ESR1: variants seen among roughly 807,000 people sequenced by gnomAD.
The protein encoded by ESR1 is estrogen receptor.
ESR1 carries 12 observed loss-of-function variants against 52.7 expected under a neutral mutation model. That is an observed-to-expected ratio of 0.23 (90% CI 0.15 to 0.37). The LOEUF (loss-of-function observed/expected upper bound fraction) is 0.37. Ranked by LOEUF, ESR1 falls within the 10% of genes least tolerant of loss-of-function variation. ESR1 has a pLI of 1.00. For synonymous variants in ESR1, 305 were observed against 316.8 expected (o/e 0.96, Z 0.39); for missense variants, 584 against 779.7 (o/e 0.75, Z 2.99).
chr6:152,115,092 T>C (rs2051194913), intron 6 of ESR1, among the ~76,000 whole-genome samples: 2 of 151,358 alleles, frequency 1.3e-5, no homozygotes, highest in East Asian at 2.0e-4. Flanking sequence ...TGTCAAGCCT[T>C]ATATTTCACA....
chr6:151,936,486 TAGA>T (rs1292141552), intron 3 of ESR1, among the ~76,000 whole-genome samples: 3 of 152,222 alleles, frequency 2.0e-5, no homozygotes, highest in Non-Finnish European at 4.4e-5. Flanking sequence ...AGCAAAACTC[TAGA>T]AGAAGAAACT....
chr6:152,115,019 C>G (rs1201627623), intron 6 of ESR1, among the ~76,000 whole-genome samples: 2 of 151,240 alleles, frequency 1.3e-5, no homozygotes, highest in African/African-American at 4.9e-5. Context: ...ACAAGTCATG[C>G]TCCTTGATGT....
intron 3 of ESR1, among the ~76,000 whole-genome samples, chr6:151,926,103 C>G (rs574759131): frequency 1.3e-5 from 2 of 152,162 alleles, no homozygotes; most frequent in African/African-American, 2.4e-5. Flanking sequence ...TGACCTTTTT[C>G]TCATTTAATT....
intron 2 of ESR1, among the ~76,000 whole-genome samples, chr6:151,736,634 C>T (rs1251391722): frequency 6.6e-6 from 1 of 152,030 alleles, no homozygotes; most frequent in East Asian, 1.9e-4. Flanking sequence ...CCACCTTGGC[C>T]TCCTAAAGTG....
intron 7 of ESR1, among the ~76,000 whole-genome samples, chr6:152,095,656 G>A (rs1027084381): frequency 1.3e-5 from 2 of 152,168 alleles, no homozygotes; most frequent in African/African-American, 2.4e-5. Context: ...ACATGTTGCC[G>A]GGGTCATGAC....
In ESR1 at chr6:152,098,055, C is replaced by G. The variant is rs3020384; in HGVS notation, c.1554-677C>G. Among the ~76,000 whole-genome samples, 50,741 of 151,808 alleles carry G rather than the reference C, an allele frequency of 0.33. 9,852 individuals carry two copies. The highest frequency in any genetic ancestry group is 0.55 in the African/African-American group (22,570 of 41,346). ...ATTTGAAGACCGGAGGAAGGTTCAT[C>G]CCAGCAAGTAGGAACAGCAAGTGTA... On this transcript the variant is annotated intron_variant, in intron 7 of 7. Transcript: ENST00000206249. This position sits in a 1 kb window ranked among gnomAD's most constrained non-coding sequence, Gnocchi z 5.1.
upstream of ESR1, among the ~76,000 whole-genome samples, chr6:151,802,795 C>T (rs367795420): frequency 5.9e-5 from 9 of 152,096 alleles, no homozygotes; most frequent in East Asian, 9.6e-4. Context: ...TCAGGACCAG[C>T]CTGGCCAACA....
At chr6:152,038,527 G>A (rs528968738) in intron 5 of ESR1, among the ~76,000 whole-genome samples, 16 of 152,002 alleles carry the variant, frequency 1.1e-4, no homozygotes, top group African/African-American at 3.1e-4. Flanking sequence ...TAATTACACT[G>A]AACATAATAC....
chr6:151,942,550 A>G (rs1470393910), intron 3 of ESR1, among the ~76,000 whole-genome samples: 3 of 151,592 alleles, frequency 2.0e-5, no homozygotes, highest in African/African-American at 7.2e-5. Context: ...AATTTTTACT[A>G]TTTCATGAGA....
intron 2 of ESR1, among the ~76,000 whole-genome samples, chr6:151,758,950 T>A (rs1475054074): frequency 6.6e-6 from 1 of 151,550 alleles, no homozygotes; most frequent in Non-Finnish European, 1.5e-5. Flanking sequence ...GTAATAACAA[T>A]AAACTTCTCA....
At position 151,846,846 on chromosome 6, in the gene ESR1, G is replaced by C. The variant is rs1583632138; in HGVS notation, c.643+4059G>C. 1.3e-5 allele frequency among the ~76,000 whole-genome samples: 2 copies of C among 152,272 alleles called. 1 individual carries two copies. The highest frequency in any genetic ancestry group is 4.2e-4 in the South Asian group (2 of 4,816). ...GTAGTGTTCCTTAAGATGTGTTTTA[G>C]ACAGAGTCCCTGGGATGAGTTATAT... On this transcript the variant is annotated intron_variant, in intron 2 of 7. Coordinates refer to ENST00000206249, the MANE Select transcript of ESR1 (RefSeq NM_000125.4).
chr6:151,935,795 T>C (rs1207751427), intron 3 of ESR1, among the ~76,000 whole-genome samples: 1 of 152,230 alleles, frequency 6.6e-6, no homozygotes, highest in Non-Finnish European at 1.5e-5. Context: ...CTCCAACAAA[T>C]GATGAAATCT....
chr6:151,873,217 G>A (rs1583852460), intron 2 of ESR1, among the ~76,000 whole-genome samples: 1 of 152,216 alleles, frequency 6.6e-6, no homozygotes, highest in South Asian at 2.1e-4. Flanking sequence ...AATGAAAGGA[G>A]ACCTTGGTTC....
At chr6:151,669,147 G>GGA (rs541895194) in intron 1 of ESR1, among the ~76,000 whole-genome samples, 6,769 of 69,204 alleles carry the variant, frequency 0.098, 1,028 homozygotes, top group East Asian at 0.16. Flanking sequence ...TTGGGAGCTG[G>GGA]GAGAGAGAGA....
intron 3 of ESR1, among the ~76,000 whole-genome samples, chr6:151,921,348 G>T (rs111946189): frequency 6.6e-6 from 1 of 152,070 alleles, no homozygotes; most frequent in East Asian, 1.9e-4. Context: ...TAGGCATTTG[G>T]TTTGATTCCA....
intron 2 of ESR1, among the ~76,000 whole-genome samples, chr6:151,760,350 T>C (rs1784578601): frequency 1.3e-5 from 2 of 152,170 alleles, no homozygotes; most frequent in Admixed American, 6.5e-5. Context: ...AAAACTCCAT[T>C]GAAGAAAGGG....
At chr6:151,980,807 G>A (rs1033980225) in intron 4 of ESR1, among the ~76,000 whole-genome samples, 9 of 152,114 alleles carry the variant, frequency 5.9e-5, no homozygotes, top group Non-Finnish European at 1.2e-4. Context: ...GGGTTCAAGC[G>A]ATTCTCCTGC....
At chr6:151,859,801 C>T (rs565488275) in intron 2 of ESR1, among the ~76,000 whole-genome samples, 6 of 152,266 alleles carry the variant, frequency 3.9e-5, no homozygotes, top group Middle Eastern at 3.4e-3. Context: ...CCCTGGGGCT[C>T]GCCCTGTGAA....
At chr6:151,709,316 T>C (rs1323402506) in intron 2 of ESR1, among the ~76,000 whole-genome samples, 38 of 152,230 alleles carry the variant, frequency 2.5e-4, no homozygotes, top group Admixed American at 2.5e-3. Context: ...AATATTTTTC[T>C]CTTTTTTTAA....
Sources: gnomAD v4.1 joint callset for allele counts (sites outside exome capture counted in the v4.1 genomes callset) on GRCh38, gnomAD v4.1.1 for gene constraint, Gnocchi (gnomAD v3.1) non-coding constraint, MANE v1.5 for transcripts, NCBI Gene and HGNC (gene_info 2026-07-23, HGNC 2026-07-21) for gene names.